The following PGK2 variants were observed in gnomAD, a reference collection of about 807,000 sequenced individuals.
PGK2 encodes the protein epididymis secretory protein Li 272.
PGK2 carries 5 observed loss-of-function variants against 5.2 expected under a neutral mutation model. That is an observed-to-expected ratio of 0.96 (90% CI 0.50 to 2.01). The LOEUF is 2.01. Among genes scored for constraint, PGK2 ranks in the 30% most tolerant of loss-of-function variants. PGK2 has a pLI of 0.01. For synonymous variants in PGK2, 210 were observed against 182.6 expected (o/e 1.15, Z -1.21); for missense variants, 588 against 506.8 (o/e 1.16, Z -1.54).
In PGK2 at chr6:49,786,567, G is replaced by T. The variant is rs575120707; in HGVS notation, c.621C>A (p.Pro207=). 6.2e-7 allele frequency: 1 copy of T among 1,614,120 alleles called. No individual in the cohort carries two copies. Among genetic ancestry groups the T allele is most frequent in the Non-Finnish European group, 8.5e-7 (1 of 1,180,004 alleles). Residue 207 remains proline, a synonymous_variant, in exon 1 of 1, where the codon CCC becomes CCA. Coordinates refer to ENST00000304801, the MANE Select transcript of PGK2 (RefSeq NM_138733.5). ...FAKALENPVR[P]FLAILGGAKV... ...TGGCTCCACCAAGTATAGCCAGAAAGGGTCTCACTGGGTTTTCCAAGGCTT... is the reference window on the plus strand; with the variant it reads ...TGGCTCCACCAAGTATAGCCAGAAATGGTCTCACTGGGTTTTCCAAGGCTT...
chr6:49,786,301 G>C lies in PGK2; in HGVS notation c.887C>G (p.Ala296Gly). 6.2e-7 allele frequency: 1 copy of C among 1,614,112 alleles called. No individual in the cohort carries two copies. Among genetic ancestry groups the C allele is most frequent in the Non-Finnish European group, 8.5e-7 (1 of 1,179,996 alleles). ...FVTGDKFDEN[A>G]QVGKATVASG... The stretch of plus-strand genomic sequence containing the variant: ...TGCTACAGTGGCTTTTCCAACCTGA[G>C]CGTTCTCGTCAAACTTGTCCCCAGT... Residue 296 changes from alanine to glycine, a missense_variant, in exon 1 of 1, where the codon GCT (alanine) becomes GGT (glycine). Transcript: ENST00000304801.
In PGK2 at chr6:49,787,180, A is replaced by T. The variant is rs1475444164; in HGVS notation, c.8T>A (p.Leu3His). The change falls in exon 1 of 1, where the codon CTT (leucine) becomes CAT (histidine). Residue 3 changes from leucine (L) to histidine (H), a missense_variant. Coordinates refer to ENST00000304801, the MANE Select transcript of PGK2 (RefSeq NM_138733.5). MS[L>H]SKKLTLDKLD... is the part of the protein sequence containing the mutation. ...TTTGTCTAAAGTCAACTTCTTAGAA[A>T]GAGACATCTTGACAATATAAAGACA... 1 of 1,611,422 alleles carries T rather than the reference A, an allele frequency of 6.2e-7. No individual in the cohort carries two copies. The highest frequency in any genetic ancestry group is 1.7e-5 in the Admixed American group (1 of 59,886).
chr6:49,787,211 T>C lies in PGK2; in HGVS notation c.-24A>G, dbSNP rs917654270. 3 of 1,576,872 alleles carry C rather than the reference T, an allele frequency of 1.9e-6. No individual in the cohort carries two copies. Among genetic ancestry groups the C allele is most frequent in the Middle Eastern group, 1.7e-4 (1 of 5,894 alleles). On this transcript the variant is annotated 5_prime_UTR_variant, in exon 1 of 1. Transcript: ENST00000304801. ...ATCTTGACAATATAAAGACATAGGC[T>C]GACACCTGGATCTTAATGCTGAAGA...
rs755535196 is a variant in PGK2, at chr6:49,786,533, C to T, written c.655G>A (p.Asp219Asn). 1.2e-6 allele frequency: 2 copies of T among 1,614,124 alleles called. No individual in the cohort carries two copies. The highest frequency in any genetic ancestry group is 1.7e-6 in the Non-Finnish European group (2 of 1,180,014). The change falls in exon 1 of 1, where the codon GAC becomes AAC. Residue 219 changes from aspartate to asparagine, a missense_variant. Physicochemically the swap from Asp to Asn is conservative, Grantham distance 23. Transcript: ENST00000304801. ...LAILGGAKVA[D>N]KIQLIKNMLD... Reference sequence around the variant, plus strand: ...ATATTTTTGATAAGTTGGATCTTGTCTGCCACTTTGGCTCCACCAAGTATA... The same window carrying T: ...ATATTTTTGATAAGTTGGATCTTGTTTGCCACTTTGGCTCCACCAAGTATA...
At position 49,787,254 on chromosome 6, in the gene PGK2, G is replaced by A; in HGVS notation, c.-67C>T. 8.1e-7 allele frequency: 1 copy of A among 1,228,870 alleles called. No individual in the cohort carries two copies. Among genetic ancestry groups the A allele is most frequent in the Non-Finnish European group, 1.2e-6 (1 of 852,898 alleles). The allele number at this position is 1,228,870 out of a possible 1,614,324, so 76.1% of individuals were successfully genotyped here. A position where few individuals can be genotyped will look rare whatever the true frequency, so the allele number is the denominator to read the frequency against. On this transcript the variant is annotated 5_prime_UTR_variant, in exon 1 of 1. Transcript: ENST00000304801. ...GCTGAAGAACCAACTTGCTGTTGAG[G>A]GGCTGGGTCGGTGGTGACTTCTAAC...
chr6:49,785,995 G>A lies in PGK2; in HGVS notation c.1193C>T (p.Ala398Val). Residue 398 changes from alanine (A) to valine (V), a missense_variant, in exon 1 of 1, where the codon GCC (alanine) becomes GTC (valine). Coordinates refer to ENST00000304801, the MANE Select transcript of PGK2 (RefSeq NM_138733.5). ...KVSHVSTGGG[A>V]SLELLEGKIL... ...TTTACCTTCCAGAAGCTCTAGACTG[G>A]CACCGCCTCCAGTGCTGACATGGCT... 3.1e-6 allele frequency: 5 copies of A among 1,614,076 alleles called. No homozygotes were observed. The highest frequency in any genetic ancestry group is 4.2e-6 in the Non-Finnish European group (5 of 1,179,976).
At position 49,786,667 on chromosome 6, in the gene PGK2, C is replaced by A; in HGVS notation, c.521G>T (p.Ser174Ile). ...DAFGTAHRAH[S>I]SMVGVNLPHK... ...GGGCAGATTCACTCCCACCATGGAA[C>A]TATGAGCGCGGTGTGCAGTGCCAAA... is the stretch of plus-strand genomic sequence containing the variant. The change falls in exon 1 of 1, where the codon AGT becomes ATT. Residue 174 changes from serine to isoleucine, a missense_variant. Ser to Ile is a moderately radical substitution (Grantham distance 142). Coordinates refer to ENST00000304801, the MANE Select transcript of PGK2 (RefSeq NM_138733.5). The A allele has an allele frequency of 6.2e-7, 1 of 1,614,148 alleles. No individual in the cohort carries two copies. The highest frequency in any genetic ancestry group is 8.5e-7 in the Non-Finnish European group (1 of 1,180,030).
chr6:49,785,968 A>T lies in PGK2; in HGVS notation c.1220T>A (p.Ile407Asn). 6.2e-7 allele frequency: 1 copy of T among 1,614,034 alleles called. No individual in the cohort carries two copies. The highest frequency in any genetic ancestry group is 8.5e-7 in the Non-Finnish European group (1 of 1,179,928). ...GASLELLEGK[I>N]LPGVEALSNM ...GCTGAGGGCCTCTACTCCAGGAAGG[A>T]TTTTACCTTCCAGAAGCTCTAGACT... The change falls in exon 1 of 1, where the codon ATC becomes AAC. Residue 407 changes from isoleucine to asparagine, a missense_variant. Ile to Asn is a moderately radical substitution (Grantham distance 149). Coordinates refer to ENST00000304801, the MANE Select transcript of PGK2 (RefSeq NM_138733.5).
chr6:49,785,931 T>C lies in PGK2; in HGVS notation c.*3A>G. ...AAAACAGAAGGAAGTAACACTATATTAACTACATGTTGCTGAGGGCCTCTA... is the reference window on the plus strand; with the variant it reads ...AAAACAGAAGGAAGTAACACTATATCAACTACATGTTGCTGAGGGCCTCTA... On this transcript the variant is annotated 3_prime_UTR_variant, in exon 1 of 1. Coordinates refer to ENST00000304801, the MANE Select transcript of PGK2 (RefSeq NM_138733.5). 1 of 1,612,294 alleles carries C rather than the reference T, an allele frequency of 6.2e-7. No individual in the cohort carries two copies. Among genetic ancestry groups the C allele is most frequent in the Admixed American group, 1.7e-5 (1 of 59,952 alleles).
rs1223042118 is a variant in PGK2, at chr6:49,786,595, G to A, written c.593C>T (p.Ala198Val). ...TCTCACTGGGTTTTCCAAGGCTTTA[G>A]CAAAGTAATCTAGTTCCTTCTTCAT... ...FLMKKELDYF[A>V]KALENPVRPF... Residue 198 changes from alanine to valine, a missense_variant, in exon 1 of 1, where the codon GCT becomes GTT. Transcript: ENST00000304801. 1 of 1,614,134 alleles carries A rather than the reference G, an allele frequency of 6.2e-7. No homozygotes were observed.
Position 49,786,847 on chromosome 6 carries a change from C to T in PGK2, c.341G>A (p.Gly114Asp), listed in dbSNP as rs779134697. ...CAGGTTCTCCAGCAGGATGACTGAACCAGGAGCTGGGTTGGCACAGGCTTT... is the reference window on the plus strand; with the variant it reads ...CAGGTTCTCCAGCAGGATGACTGAATCAGGAGCTGGGTTGGCACAGGCTTT... Reference protein sequence around the residue: ...VEKACANPAPGSVILLENLRF... With the variant: ...VEKACANPAPDSVILLENLRF... Residue 114 changes from glycine (G) to aspartate (D), a missense_variant, in exon 1 of 1, where the codon GGT becomes GAT. Transcript: ENST00000304801. 7.4e-6 allele frequency: 12 copies of T among 1,614,016 alleles called. No homozygotes were observed. The Admixed American group carries it at 1.0e-4, about 13-fold the overall frequency.
chr6:49,786,181 CAAACA>C lies in PGK2; in HGVS notation c.1002_1006del (p.Ile334MetfsTer9), dbSNP rs775979768. The C allele has an allele frequency of 6.2e-7, 1 of 1,614,084 alleles. No homozygotes were observed. The highest frequency in any genetic ancestry group is 8.5e-7 in the Non-Finnish European group (1 of 1,179,994). On this transcript the variant is annotated frameshift_variant, in exon 1 of 1. Coordinates refer to ENST00000304801, the MANE Select transcript of PGK2 (RefSeq NM_138733.5). LOFTEE classifies it high-confidence loss of function. ...TTCAAATACTCCTAACGGCCCATTC[CAAACA>C]ATTAGCCTTGCTTGAGCCACAACTT...
chr6:49,786,941 C>A lies in PGK2; in HGVS notation c.247G>T (p.Val83Phe). 6.2e-7 allele frequency: 1 copy of A among 1,614,066 alleles called. No homozygotes were observed. The highest frequency in any genetic ancestry group is 8.5e-7 in the Non-Finnish European group (1 of 1,179,994). Residue 83 changes from valine to phenylalanine, a missense_variant, in exon 1 of 1, where the codon GTT becomes TTT. Physicochemically the swap from Val to Phe is conservative, Grantham distance 50. Transcript: ENST00000304801. ...TTGCCCAGCAAGGATTTGAGCTCAA[C>A]AGCAACAGGTGCTAAGGAATATTTG... ...PDKYSLAPVA[V>F]ELKSLLGKDV...
Position 49,786,579 on chromosome 6 carries a change from G to T in PGK2, c.609C>A (p.Asn203Lys). 1 of 1,614,108 alleles carries T rather than the reference G, an allele frequency of 6.2e-7. No individual in the cohort carries two copies. Among genetic ancestry groups the T allele is most frequent in the Non-Finnish European group, 8.5e-7 (1 of 1,180,018 alleles). The change falls in exon 1 of 1, where the codon AAC becomes AAA. Residue 203 changes from asparagine (N) to lysine (K), a missense_variant. Coordinates refer to ENST00000304801, the MANE Select transcript of PGK2 (RefSeq NM_138733.5). ...GTATAGCCAGAAAGGGTCTCACTGG[G>T]TTTTCCAAGGCTTTAGCAAAGTAAT... ...ELDYFAKALE[N>K]PVRPFLAILG... is the part of the protein sequence containing the mutation.
Position 49,786,100 on chromosome 6 carries a change from G to A in PGK2, c.1088C>T (p.Thr363Ile), listed in dbSNP as rs1210268538. The A allele has an allele frequency of 2.5e-6, 4 of 1,614,016 alleles. No homozygotes were observed. The African/African-American group carries it at 4.0e-5, about 16-fold the overall frequency. ...TATAACAGTGATGCAGCCCTTGGAA[G>A]TGGCTTTCACAATTTCATCCATGAG... ...KALMDEIVKA[T>I]SKGCITVIGG... Residue 363 changes from threonine to isoleucine, a missense_variant, in exon 1 of 1, where the codon ACT (threonine) becomes ATT (isoleucine). Physicochemically the swap from Thr to Ile is moderately conservative, Grantham distance 89. Coordinates refer to ENST00000304801, the MANE Select transcript of PGK2 (RefSeq NM_138733.5).
rs1319122812 is a variant in PGK2, at chr6:49,785,954, C to T, written c.1234G>A (p.Glu412Lys). 1.2e-6 allele frequency: 2 copies of T among 1,613,996 alleles called. No individual in the cohort carries two copies. Among genetic ancestry groups the T allele is most frequent in the Non-Finnish European group, 8.5e-7 (1 of 1,179,918 alleles). Reference sequence around the variant, plus strand: ...ATTAACTACATGTTGCTGAGGGCCTCTACTCCAGGAAGGATTTTACCTTCC... The same window carrying T: ...ATTAACTACATGTTGCTGAGGGCCTTTACTCCAGGAAGGATTTTACCTTCC... ...LLEGKILPGVEALSNM is the reference protein window; with the variant it reads ...LLEGKILPGVKALSNM Residue 412 changes from glutamate to lysine, a missense_variant, in exon 1 of 1, where the codon GAG becomes AAG. Coordinates refer to ENST00000304801, the MANE Select transcript of PGK2 (RefSeq NM_138733.5).
Position 49,786,879 on chromosome 6 carries a change from T to A in PGK2, c.309A>T (p.Glu103Asp), listed in dbSNP as rs1271687983. 6 of 1,613,968 alleles carry A rather than the reference T, an allele frequency of 3.7e-6. No individual in the cohort carries two copies. The highest frequency in any genetic ancestry group is 1.3e-5 in the African/African-American group (1 of 74,912). The change falls in exon 1 of 1, where the codon GAA (glutamate) becomes GAT (aspartate). Residue 103 changes from glutamate (E) to aspartate (D), a missense_variant. Transcript: ENST00000304801. ...CTGGGTTGGCACAGGCTTTCTCCAC[T>A]TCTGCGCCTACACAGTCCTTCAGGA... ...VLFLKDCVGA[E>D]VEKACANPAP...
rs756369568 is a variant in PGK2 at position 49,786,214 on chromosome 6, G to T, written c.974C>A (p.Ala325Asp). ...DCGPESNKNHAQVVAQARLIV... is the reference protein window; with the variant it reads ...DCGPESNKNHDQVVAQARLIV... ...TAGCCTTGCTTGAGCCACAACTTGA[G>T]CATGATTCTTGTTGCTCTCAGGACC... The change falls in exon 1 of 1, where the codon GCT becomes GAT. Residue 325 changes from alanine to aspartate, a missense_variant. Physicochemically the swap from Ala to Asp is moderately radical, Grantham distance 126. Coordinates refer to ENST00000304801, the MANE Select transcript of PGK2 (RefSeq NM_138733.5). The T allele has an allele frequency of 1.2e-6, 2 of 1,614,128 alleles. No homozygotes were observed. Among genetic ancestry groups the T allele is most frequent in the African/African-American group, 2.7e-5 (2 of 75,028 alleles).
In PGK2 at chr6:49,786,544, G is replaced by T. The variant is rs140960775; in HGVS notation, c.644C>A (p.Ala215Asp). Residue 215 changes from alanine to aspartate, a missense_variant, in exon 1 of 1, where the codon GCC (alanine) becomes GAC (aspartate). Physicochemically the swap from Ala to Asp is moderately radical, Grantham distance 126. Coordinates refer to ENST00000304801, the MANE Select transcript of PGK2 (RefSeq NM_138733.5). ...VRPFLAILGG[A>D]KVADKIQLIK... ...AAGTTGGATCTTGTCTGCCACTTTG[G>T]CTCCACCAAGTATAGCCAGAAAGGG... 41 of 1,613,964 alleles carry T rather than the reference G, an allele frequency of 2.5e-5. No homozygotes were observed. The East Asian group carries it at 6.7e-4, about 26-fold the overall frequency.
Sources: gnomAD v4.1 joint callset for allele counts on GRCh38, gnomAD v4.1.1 for gene constraint, MANE v1.5 for transcripts, NCBI Gene and HGNC (gene_info 2026-07-23, HGNC 2026-07-21) for gene names.